FAT4: variants seen among roughly 807,000 people sequenced by gnomAD.
FAT4 encodes the protein FAT atypical cadherin 4, also known as protocadherin Fat 4.
A neutral mutation model predicts 303.9 loss-of-function variants in FAT4; 84 were observed. The observed-to-expected ratio is 0.28, with a 90% CI of 0.23 to 0.33. The LOEUF is 0.33. Ranked by LOEUF, FAT4 falls within the 10% of genes least tolerant of loss-of-function variation. FAT4 has a pLI of 1.00. For synonymous variants in FAT4, 2,307 were observed against 2,298.8 expected (o/e 1.00, Z -0.10); for missense variants, 6,005 against 6,146.8 (o/e 0.98, Z 0.77).
At chr4:125,476,932 C>G (rs1163902000) in intron 13 of FAT4, among the ~76,000 whole-genome samples, 1 of 151,940 alleles carries the variant, frequency 6.6e-6, no homozygotes, top group Non-Finnish European at 1.5e-5. Context: ...TCTAACTTGA[C>G]TAATTGAAAA....
chr4:125,354,752 GAAA>G (rs35163847), intron 2 of FAT4, among the ~76,000 whole-genome samples: 2 of 135,224 alleles, frequency 1.5e-5, no homozygotes, highest in African/African-American at 2.7e-5. Context: ...AGAGTTTAAT[GAAA>G]AAAAAAAAAA....
At chr4:125,365,698 A>C (rs1732852649) in intron 2 of FAT4, among the ~76,000 whole-genome samples, 1 of 152,218 alleles carries the variant, frequency 6.6e-6, no homozygotes, top group South Asian at 2.1e-4. Flanking sequence ...TAAGAAATAA[A>C]GTATATGATA....
chr4:125,464,273 T>A (rs1473575417), intron 11 of FAT4, among the ~76,000 whole-genome samples: 2 of 152,088 alleles, frequency 1.3e-5, no homozygotes, highest in Admixed American at 1.3e-4. Flanking sequence ...TTTGTATACA[T>A]ACATATTTAT....
chr4:125,429,471 G>C (rs949326028), intron 7 of FAT4, among the ~76,000 whole-genome samples: 1 of 152,076 alleles, frequency 6.6e-6, no homozygotes, highest in African/African-American at 2.4e-5. Flanking sequence ...TTTTATCTGA[G>C]CTTAATTAAC....
chr4:125,369,877 T>C (rs6854625), intron 2 of FAT4, among the ~76,000 whole-genome samples: 45,832 of 152,058 alleles, frequency 0.3, 7,863 homozygotes, highest in Non-Finnish European at 0.39. Flanking sequence ...TACATATTTG[T>C]TTTTCTGTGT....
At chr4:125,421,337 A>G (rs1348797392) in intron 7 of FAT4, among the ~76,000 whole-genome samples, 1 of 152,210 alleles carries the variant, frequency 6.6e-6, no homozygotes, top group African/African-American at 2.4e-5. Context: ...TTGGTTTCAC[A>G]TAGCTTAAAT....
intron 15 of FAT4, among the ~76,000 whole-genome samples, chr4:125,480,840 A>G (rs1243691803): frequency 1.3e-5 from 2 of 152,092 alleles, no homozygotes; most frequent in Non-Finnish European, 2.9e-5. Flanking sequence ...TATAACTCAC[A>G]TACTATAAAA....
chr4:125,331,602 A>G (rs143467789), intron 2 of FAT4, among the ~76,000 whole-genome samples: 9 of 152,318 alleles, frequency 5.9e-5, no homozygotes, highest in East Asian at 5.8e-4. Context: ...AATATATATC[A>G]CAGTGTATGC....
In FAT4 at chr4:125,451,356, G is replaced by A; in HGVS notation, c.10346G>A (p.Gly3449Glu). 6.2e-7 allele frequency: 1 copy of A among 1,614,068 alleles called. No individual in the cohort carries two copies. The highest frequency in any genetic ancestry group is 1.1e-5 in the South Asian group (1 of 91,084). The change falls in exon 10 of 18, where the codon GGG (glycine) becomes GAG (glutamate). Residue 3449 changes from glycine to glutamate, a missense_variant. Transcript: ENST00000394329. ...AGGTTTTCTTACTTCATCGGATCAG[G>A]GAATGAAAATGGTGCCTTTTCTATT... ...WSRFSYFIGSGNENGAFSINP... is the reference protein window; with the variant it reads ...WSRFSYFIGSENENGAFSINP...
intron 2 of FAT4, among the ~76,000 whole-genome samples, chr4:125,352,048 A>C (rs1386159270): frequency 1.3e-5 from 2 of 151,690 alleles, no homozygotes; most frequent in African/African-American, 2.4e-5. Flanking sequence ...ATTGTAGTAT[A>C]ACTTTTATTT....
chr4:125,384,066 A>T (rs560002068), intron 2 of FAT4, among the ~76,000 whole-genome samples: 1 of 152,188 alleles, frequency 6.6e-6, no homozygotes, highest in Non-Finnish European at 1.5e-5. Flanking sequence ...TTGTGTATTC[A>T]TGCATCAGCT....
Position 125,363,495 on chromosome 4 carries a change from A to C in FAT4, c.5176-35289A>C, listed in dbSNP as rs555549960. On this transcript the variant is annotated intron_variant, in intron 2 of 17. Transcript: ENST00000394329. ...TCTATATCAATATAGCTTTTTTTTA[A>C]TTTATATATATATTTTTTTGAGAAA... Among the ~76,000 whole-genome samples, 213 of 151,058 alleles carry C rather than the reference A, an allele frequency of 1.4e-3. 1 individual carries two copies. Among genetic ancestry groups the C allele is most frequent in the Non-Finnish European group, 2.4e-3 (162 of 67,758 alleles).
chr4:125,364,053 T>G (rs1732770155), intron 2 of FAT4, among the ~76,000 whole-genome samples: 1 of 152,244 alleles, frequency 6.6e-6, no homozygotes, highest in African/African-American at 2.4e-5. Flanking sequence ...CAGTTGTCCG[T>G]TGTTGATGGA....
Position 125,490,985 on chromosome 4 carries a change from G to T in FAT4, c.14169G>T (p.Leu4723Phe), listed in dbSNP as rs760377475. Residue 4723 changes from leucine to phenylalanine, a missense_variant, in exon 18 of 18, where the codon TTG becomes TTT. Transcript: ENST00000394329. ...ATAGAAACAGCCCAGCAAGGGAATT[G>T]CATCTTCCTATAAGGGATGGTAATA... ...TFYRNSPARE[L>F]HLPIRDGNTL... The T allele has an allele frequency of 2.3e-5, 37 of 1,614,178 alleles. No homozygotes were observed. In the East Asian group the frequency reaches 6.9e-4, roughly 30 times the overall value.
chr4:125,319,648 C>T lies in FAT4; in HGVS notation c.3237C>T (p.Pro1079=), dbSNP rs757481613. 5 of 1,613,902 alleles carry T rather than the reference C, an allele frequency of 3.1e-6. No homozygotes were observed. The South Asian group carries it at 5.5e-5, about 18-fold the overall frequency. ...MVVASDRAVE[P]LSATVNVTVI... is the part of the protein sequence containing the mutation. ...TTGCTTCTGACAGAGCAGTGGAACC[C>T]CTTAGTGCTACTGTGAATGTTACTG... is the stretch of plus-strand genomic sequence containing the variant. Residue 1079 remains proline (P), a synonymous_variant, in exon 2 of 18, where the codon CCC becomes CCT. Coordinates refer to ENST00000394329, the MANE Select transcript of FAT4 (RefSeq NM_001291303.3).
At position 125,486,021 on chromosome 4, in the gene FAT4, C is replaced by T. The variant is rs188464212; in HGVS notation, c.12823-1324C>T. Among the ~76,000 whole-genome samples the T allele has an allele frequency of 3.3e-5, 5 of 152,222 alleles. No individual in the cohort carries two copies. The East Asian group carries it at 5.8e-4, about 18-fold the overall frequency. On this transcript the variant is annotated intron_variant, in intron 16 of 17. Coordinates refer to ENST00000394329, the MANE Select transcript of FAT4 (RefSeq NM_001291303.3). ...AACATTAAGAATGTTATAATGGGAA[C>T]TTATATTCTTATCCACCCCAATTTG...
chr4:125,319,331 C>T lies in FAT4; in HGVS notation c.2920C>T (p.Pro974Ser). The T allele has an allele frequency of 6.2e-7, 1 of 1,613,696 alleles. No homozygotes were observed. Among genetic ancestry groups the T allele is most frequent in the Non-Finnish European group, 8.5e-7 (1 of 1,179,790 alleles). ...IEILASDMGV[P>S]QLSSSVILTV... ...GATCTTGGCATCTGACATGGGTGTC[C>T]CACAGCTCTCCTCTAGTGTCATCTT... Residue 974 changes from proline to serine, a missense_variant, in exon 2 of 18, where the codon CCA (proline) becomes TCA (serine). By Grantham distance (74) the Pro-to-Ser change is moderately conservative. Transcript: ENST00000394329.
Position 125,446,645 on chromosome 4 carries a change from GC to G in FAT4, c.7450+104del. 9 of 1,199,276 alleles carry G rather than the reference GC, an allele frequency of 7.5e-6. No individual in the cohort carries two copies. The South Asian group carries it at 2.1e-4, about 28-fold the overall frequency. The allele number at this position is 1,199,276 out of a possible 1,614,324, so 74.3% of individuals were successfully genotyped here. On this transcript the variant is annotated intron_variant, in intron 9 of 17. Coordinates refer to ENST00000394329, the MANE Select transcript of FAT4 (RefSeq NM_001291303.3). ...ATTTTACATACATATTTCTGATATA[GC>G]CTAATTTTGCAAATCCTCTAAAATT...
Position 125,415,407 on chromosome 4 carries a change from T to C in FAT4, c.6444T>C (p.Asn2148=), listed in dbSNP as rs779420772. 45 of 1,613,942 alleles carry C rather than the reference T, an allele frequency of 2.8e-5. No individual in the cohort carries two copies. Among genetic ancestry groups the C allele is most frequent in the Middle Eastern group, 3.3e-4 (2 of 6,084 alleles). The part of the protein sequence containing the change: ...TEVVVMVLDI[N]DNNPIFAQAL... The stretch of plus-strand genomic sequence containing the variant: ...TTGTAGTTATGGTACTTGACATCAA[T>C]GATAACAACCCCATCTTTGCACAAG... The change falls in exon 6 of 18, where the codon AAT becomes AAC. Residue 2148 remains asparagine (N), a synonymous_variant. Coordinates refer to ENST00000394329, the MANE Select transcript of FAT4 (RefSeq NM_001291303.3).
Sources: gnomAD v4.1 joint callset for allele counts (sites outside exome capture counted in the v4.1 genomes callset) on GRCh38, gnomAD v4.1.1 for gene constraint, MANE v1.5 for transcripts, NCBI Gene and HGNC (gene_info 2026-07-23, HGNC 2026-07-21) for gene names.